The following SHLD2 variants were observed in gnomAD, a reference collection of about 807,000 sequenced individuals.
The protein encoded by SHLD2 is shieldin complex subunit 2, also known as RINN1-REV7-interacting novel NHEJ regulator 2.
A neutral mutation model predicts 73.2 loss-of-function variants in SHLD2; 30 were observed. The ratio of observed to expected loss-of-function variants is 0.41; its 90% CI spans 0.31 to 0.56. The LOEUF is 0.56. Among genes scored for constraint, SHLD2 ranks in the 20% least tolerant of loss-of-function variants. The pLI is 0.28. For missense variants in SHLD2, 745 were observed against 1,055.9 expected (o/e 0.71, Z 4.08); for synonymous variants, 285 against 370.1 (o/e 0.77, Z 2.64).
intron 2 of SHLD2, among the ~76,000 whole-genome samples, chr10:87,127,897 A>G (rs1406973512): frequency 6.6e-6 from 1 of 152,026 alleles, no homozygotes; most frequent in Non-Finnish European, 1.5e-5. Context: ...TGGAGTTATG[A>G]TGTCGTGCAA....
chr10:87,141,235 C>T (rs1259964547), intron 2 of SHLD2, among the ~76,000 whole-genome samples: 3 of 151,974 alleles, frequency 2.0e-5, no homozygotes, highest in African/African-American at 4.8e-5. Context: ...GAACTGTGTT[C>T]GTGCCACTGC....
chr10:87,118,677 T>G (rs925515910), intron 2 of SHLD2, among the ~76,000 whole-genome samples: 6 of 149,214 alleles, frequency 4.0e-5, no homozygotes, highest in Non-Finnish European at 7.4e-5. Flanking sequence ...CAGGCCAGTC[T>G]CAAACTCCTG....
chr10:87,142,203 A>C (rs1479612710), intron 2 of SHLD2, among the ~76,000 whole-genome samples: 1 of 152,224 alleles, frequency 6.6e-6, no homozygotes, highest in African/African-American at 2.4e-5. Context: ...ATTAAGTTAT[A>C]ATGAACTTTC....
chr10:87,107,357 T>G lies in SHLD2; in HGVS notation c.-6+10368T>G, dbSNP rs1842666879. Among the ~76,000 whole-genome samples the G allele has an allele frequency of 2.0e-5, 3 of 152,086 alleles. No individual in the cohort carries two copies. The South Asian group carries it at 6.2e-4, about 32-fold the overall frequency. ...TGAACCTGGGAGGCAGAGGTTGCAG[T>G]GAGCCGAGGTCTTGCCACTGCACTC... On this transcript the variant is annotated intron_variant, in intron 2 of 9. Coordinates refer to ENST00000298786, the MANE Select transcript of SHLD2 (RefSeq NM_001330112.2).
At chr10:87,136,732 C>G (rs1344504663) in intron 2 of SHLD2, among the ~76,000 whole-genome samples, 2 of 151,896 alleles carry the variant, frequency 1.3e-5, no homozygotes, top group South Asian at 2.1e-4. Flanking sequence ...CATCAGCCAC[C>G]CATTTACTTA....
chr10:87,182,086 T>TTA (rs1311672234), intron 8 of SHLD2, among the ~76,000 whole-genome samples: 3 of 152,236 alleles, frequency 2.0e-5, no homozygotes, highest in Non-Finnish European at 4.4e-5. Context: ...TTTAAATTGT[T>TTA]ATTAGAGTCC....
chr10:87,094,804 GA>G, upstream of SHLD2: 1 of 1,490,182 alleles, frequency 6.7e-7, no homozygotes. The surrounding 1 kb of genome is among the most constrained non-coding windows in gnomAD (Gnocchi z 6.6). Flanking sequence ...TGATGGTCGC[GA>G]AACAGGCGCG....
At chr10:87,112,357 G>A (rs187389738) in intron 2 of SHLD2, among the ~76,000 whole-genome samples, 39 of 152,042 alleles carry the variant, frequency 2.6e-4, no homozygotes, top group African/African-American at 9.2e-4. Flanking sequence ...ATTCATTAGG[G>A]AAATGCAAAT....
intron 2 of SHLD2, among the ~76,000 whole-genome samples, chr10:87,118,478 A>G (rs554450760): frequency 6.7e-6 from 1 of 148,356 alleles, no homozygotes; most frequent in African/African-American, 2.5e-5. Context: ...TTTGACTTCA[A>G]GGCATTTTCT....
chr10:87,180,387 A>C, intron 8 of SHLD2, 84 bp downstream of exon 8: 1 of 1,523,662 alleles, frequency 6.6e-7, no homozygotes. Context: ...TACTTTCTAA[A>C]AATAATTAAC....
At chr10:87,103,223 T>C (rs1445185260) in intron 2 of SHLD2, among the ~76,000 whole-genome samples, 1 of 152,060 alleles carries the variant, frequency 6.6e-6, no homozygotes, top group Non-Finnish European at 1.5e-5. Flanking sequence ...AAAAAATTTT[T>C]TTTAATAAAT....
chr10:87,094,786 G>C (rs544795948), upstream of SHLD2: 4 of 1,526,892 alleles, frequency 2.6e-6, no homozygotes, highest in South Asian at 4.7e-5. The surrounding 1 kb of genome is among the most constrained non-coding windows in gnomAD (Gnocchi z 6.6). Context: ...AAGCGGAGGG[G>C]AGGTGCGTGA....
intron 2 of SHLD2, among the ~76,000 whole-genome samples, chr10:87,112,690 G>T (rs1843003639): frequency 6.8e-6 from 1 of 147,244 alleles, no homozygotes; most frequent in Non-Finnish European, 1.5e-5. Context: ...ACACCCACTA[G>T]AATGACTATA....
chr10:87,143,862 C>CTTTTTTT (rs61651864), intron 2 of SHLD2, among the ~76,000 whole-genome samples: 2 of 104,756 alleles, frequency 1.9e-5, no homozygotes, highest in African/African-American at 6.7e-5. Flanking sequence ...TTTATTCTTT[C>CTTTTTTT]TTTTTTTTTT....
At chr10:87,106,004 G>C (rs1233833214) in intron 2 of SHLD2, among the ~76,000 whole-genome samples, 1 of 151,996 alleles carries the variant, frequency 6.6e-6, no homozygotes, top group Non-Finnish European at 1.5e-5. Context: ...AATTGGTTTT[G>C]TTTGTTTGTT....
At chr10:87,172,675 A>G (rs185417615) in intron 6 of SHLD2, among the ~76,000 whole-genome samples, 2 of 152,072 alleles carry the variant, frequency 1.3e-5, no homozygotes, top group African/African-American at 4.8e-5. Flanking sequence ...AAAATAAAAA[A>G]AAATTGGATT....
intron 3 of SHLD2, among the ~76,000 whole-genome samples, chr10:87,155,933 G>A (rs1176577348): frequency 6.6e-6 from 1 of 151,834 alleles, no homozygotes; most frequent in African/African-American, 2.4e-5. Flanking sequence ...TTTCTTTTGT[G>A]TGGAACAGAT....
chr10:87,148,882 CTTT>C (rs568650093), intron 2 of SHLD2, among the ~76,000 whole-genome samples: 1 of 139,252 alleles, frequency 7.2e-6, no homozygotes. Flanking sequence ...TTCCCACCAA[CTTT>C]TTTTTTTTTT....
intron 2 of SHLD2, among the ~76,000 whole-genome samples, chr10:87,121,037 C>T (rs1478768421): frequency 2.6e-5 from 4 of 151,576 alleles, no homozygotes; most frequent in South Asian, 4.2e-4. Context: ...GCAACAAGAG[C>T]GAAACTCTGT....
Sources: gnomAD v4.1 joint callset for allele counts (sites outside exome capture counted in the v4.1 genomes callset) on GRCh38, gnomAD v4.1.1 for gene constraint, Gnocchi (gnomAD v3.1) non-coding constraint, MANE v1.5 for transcripts, NCBI Gene and HGNC (gene_info 2026-07-23, HGNC 2026-07-21) for gene names.